The following ECM2 variants were observed in gnomAD, a reference collection of about 807,000 sequenced individuals.
The protein encoded by ECM2 is extracellular matrix protein 2, female organ and adipocyte specific.
In ECM2, 57 loss-of-function variants were observed where a neutral mutation model predicts 67.5. The observed-to-expected ratio is 0.84, with a 90% CI of 0.68 to 1.05. The LOEUF (loss-of-function observed/expected upper bound fraction) is 1.05. Among genes scored for constraint, ECM2 ranks in the 50% least tolerant of loss-of-function variants. The pLI, the probability that ECM2 is intolerant of heterozygous loss-of-function variation, is 0.00. For missense variants in ECM2, 741 were observed against 822.8 expected, an observed-to-expected ratio of 0.90 and a Z score of 1.22; for synonymous variants, 258 against 294.5, an observed-to-expected ratio of 0.88 and a Z score of 1.27.
chr9:92,495,830 G>A lies in ECM2; in HGVS notation c.*485C>T. 1.0e-6 allele frequency: 1 copy of A among 962,390 alleles called. No homozygotes were observed. The highest frequency in any genetic ancestry group is 1.2e-6 in the Non-Finnish European group (1 of 809,042). The allele number at this position is 962,390 out of a possible 1,614,324, so 59.6% of individuals were successfully genotyped here. A position where few individuals can be genotyped will look rare whatever the true frequency, so the allele number is the denominator to read the frequency against. On this transcript the variant is annotated 3_prime_UTR_variant, in exon 10 of 10. Transcript: ENST00000344604. ...AGTTATATTTATACCAGTAATTATA[G>A]CACAGGACCTTATAAGAAATTAACA...
the ECM2 span, among the ~76,000 whole-genome samples, chr9:92,550,254 G>T: frequency 6.6e-6 from 1 of 152,102 alleles, no homozygotes; most frequent in Non-Finnish European, 1.5e-5. Context: ...AAATTAGCTG[G>T]GTGTGGTGGT....
intron 1 of ECM2, among the ~76,000 whole-genome samples, chr9:92,526,667 CA>C (rs1183518787): frequency 3.4e-5 from 5 of 146,812 alleles, no homozygotes; most frequent in Admixed American, 3.4e-4. Context: ...AGCCTTTAGA[CA>C]AAGAAAAAAA....
At chr9:92,549,874 G>C in the ECM2 span, among the ~76,000 whole-genome samples, 1 of 152,174 alleles carries the variant, frequency 6.6e-6, no homozygotes, top group Non-Finnish European at 1.5e-5. Context: ...GCCAGGCTTA[G>C]TAATAATGGC....
intron 4 of ECM2, among the ~76,000 whole-genome samples, chr9:92,513,301 T>C (rs1199697618): frequency 6.6e-6 from 1 of 152,130 alleles, no homozygotes; most frequent in East Asian, 1.9e-4. Flanking sequence ...AGAAAACAAC[T>C]GACAGTACCA....
chr9:92,549,659 C>A, the ECM2 span, among the ~76,000 whole-genome samples: 13,507 of 73,200 alleles, frequency 0.18, 842 homozygotes, highest in African/African-American at 0.36. Flanking sequence ...AAAAAAAAAA[C>A]AAAACAAAAC....
intron 2 of ECM2, among the ~76,000 whole-genome samples, chr9:92,521,391 G>T (rs1487527840): frequency 1.3e-5 from 2 of 151,986 alleles, no homozygotes; most frequent in Non-Finnish European, 2.9e-5. Context: ...ATGTTTTTAA[G>T]TTGATTTCTC....
chr9:92,528,961 ATATTC>A (rs1471335908), intron 1 of ECM2, among the ~76,000 whole-genome samples: 1 of 152,230 alleles, frequency 6.6e-6, no homozygotes, highest in Non-Finnish European at 1.5e-5. Flanking sequence ...CATTATACCT[ATATTC>A]TATATGTTCA....
At chr9:92,504,733 C>G (rs1477157927) in intron 7 of ECM2, among the ~76,000 whole-genome samples, 1 of 152,116 alleles carries the variant, frequency 6.6e-6, no homozygotes, top group African/African-American at 2.4e-5. Context: ...GAGACAAGGT[C>G]TCACTATGTT....
In ECM2 at chr9:92,509,944, CTT is replaced by C. The variant is rs1420945083; in HGVS notation, c.1259_1260del (p.Lys420SerfsTer3). ...ATAGCCTGAAGATTGTTCTCATTGA[CTT>C]TAAGTTCTTCTAATGTAGATGGCAA... ...SQLPSTLEELKVNENNLQAID... is the reference protein window; with the variant it reads ...SQLPSTLEELXVNENNLQAID... On this transcript the variant is annotated frameshift_variant, in exon 6 of 10. Transcript: ENST00000344604. LOFTEE classifies it high-confidence loss of function. The C allele has an allele frequency of 6.2e-7, 1 of 1,609,352 alleles. No individual in the cohort carries two copies. Among genetic ancestry groups the C allele is most frequent in the East Asian group, 2.2e-5 (1 of 44,828 alleles).
chr9:92,524,450 G>A (rs1046023276), intron 1 of ECM2, among the ~76,000 whole-genome samples: 2 of 152,148 alleles, frequency 1.3e-5, no homozygotes, highest in Non-Finnish European at 2.9e-5. Context: ...CTCCATCAAG[G>A]TGTTGCAGCA....
At chr9:92,539,401 G>A (rs746302743), upstream of ECM2, among the ~76,000 whole-genome samples, 20 of 139,022 alleles carry the variant, frequency 1.4e-4, no homozygotes, top group Admixed American at 3.2e-4. Context: ...GAAGCCAGTT[G>A]ATTAGGGTAT....
chr9:92,530,320 A>G (rs909071506), intron 1 of ECM2, among the ~76,000 whole-genome samples: 2 of 152,190 alleles, frequency 1.3e-5, no homozygotes, highest in Non-Finnish European at 2.9e-5. Context: ...AGATTTATCC[A>G]TGGTGTGAGA....
chr9:92,523,415 A>C (rs1310832130), intron 1 of ECM2, among the ~76,000 whole-genome samples: 1 of 152,216 alleles, frequency 6.6e-6, no homozygotes, highest in African/African-American at 2.4e-5. Context: ...GTTGGGGACC[A>C]GCCTCAACAC....
the ECM2 span, among the ~76,000 whole-genome samples, chr9:92,553,279 T>G: frequency 3.3e-5 from 5 of 152,268 alleles, no homozygotes; most frequent in African/African-American, 1.2e-4. Context: ...TATGCCTATT[T>G]TTATACCAGT....
chr9:92,494,218 T>G, downstream of ECM2: 1 of 1,501,400 alleles, frequency 6.7e-7, no homozygotes, highest in Non-Finnish European at 9.1e-7. Context: ...CATCCCAAGA[T>G]GCTAGTTCTG....
chr9:92,544,365 G>C, the ECM2 span, among the ~76,000 whole-genome samples: 3 of 152,108 alleles, frequency 2.0e-5, no homozygotes, highest in African/African-American at 7.2e-5. Flanking sequence ...AAACCCAGCT[G>C]TTTGGGAGGC....
Position 92,522,739 on chromosome 9 carries a change from GTTGAACT to G in ECM2, c.121_127del (p.Ser41ProfsTer22). 1 of 1,614,116 alleles carries G rather than the reference GTTGAACT, an allele frequency of 6.2e-7. No individual in the cohort carries two copies. Among genetic ancestry groups the G allele is most frequent in the South Asian group, 1.1e-5 (1 of 91,068 alleles). On this transcript the variant is annotated frameshift_variant, in exon 2 of 10. Coordinates refer to ENST00000344604, the MANE Select transcript of ECM2 (RefSeq NM_001393.4). LOFTEE classifies it high-confidence loss of function. ...TCTGTTTGATCTGTGCTTGTGTGAG[GTTGAACT>G]TTTCCTCAACCTTCTGTGGTAGATC...
At chr9:92,518,349 TACTG>T (rs933647284) in intron 2 of ECM2, among the ~76,000 whole-genome samples, 2 of 152,170 alleles carry the variant, frequency 1.3e-5, no homozygotes, top group Non-Finnish European at 2.9e-5. Flanking sequence ...TGTCTAATTA[TACTG>T]ACCAAAGCAA....
chr9:92,505,629 A>AT lies in ECM2; in HGVS notation c.1367dup (p.Asn456LysfsTer20). The AT allele has an allele frequency of 3.7e-6, 6 of 1,610,056 alleles. No individual in the cohort carries two copies. Among genetic ancestry groups the AT allele is most frequent in the Non-Finnish European group, 5.1e-6 (6 of 1,178,826 alleles). On this transcript the variant is annotated frameshift_variant, in exon 7 of 10. Transcript: ENST00000344604. LOFTEE classifies it high-confidence loss of function. ...TCTTCAAAGGTTTGAAAGCTAAAGG[A>AT]TTGACATTGGCTTCACTGAGATTGT... is the stretch of plus-strand genomic sequence containing the variant.
Sources: allele counts gnomAD v4.1 joint callset (sites outside exome capture counted in the v4.1 genomes callset), GRCh38; gene constraint gnomAD v4.1.1; transcripts MANE v1.5; gene names NCBI Gene and HGNC (gene_info 2026-07-23, HGNC 2026-07-21).